Variants in CCDC82 observed in about 807,000 individuals in gnomAD.
CCDC82 encodes the protein coiled-coil domain containing 82.
CCDC82 carries 47 observed loss-of-function variants against 60.6 expected under a neutral mutation model. The observed-to-expected ratio is 0.77, with a 90% CI of 0.61 to 0.99. The LOEUF is 0.99. Among genes scored for constraint, CCDC82 ranks in the 50% least tolerant of loss-of-function variants. The pLI is 0.00. For synonymous variants in CCDC82, 212 were observed against 207.4 expected (o/e 1.02, Z -0.19); for missense variants, 588 against 633.0 (o/e 0.93, Z 0.76).
chr11:96,358,327 T>G, intron 9 of CCDC82: 1 of 1,203,046 alleles, frequency 8.3e-7, no homozygotes, highest in African/African-American at 1.6e-5. Context: ...CTAAAAGCTC[T>G]GTGAGCAGAC....
In CCDC82 at chr11:96,360,766, A is replaced by G. The variant is rs576429042; in HGVS notation, c.1381-1588T>C. Reference sequence around the variant, plus strand: ...GAGGCCACACTGCAAGGAAACATACAAGTGATGATAGACAAAGCAGGAGTA... The same window carrying G: ...GAGGCCACACTGCAAGGAAACATACGAGTGATGATAGACAAAGCAGGAGTA... On this transcript the variant is annotated intron_variant, in intron 8 of 9. Coordinates refer to ENST00000646818, the MANE Select transcript of CCDC82 (RefSeq NM_024725.4). Among the ~76,000 whole-genome samples, 5 of 152,336 alleles carry G rather than the reference A, an allele frequency of 3.3e-5. No individual in the cohort carries two copies. The East Asian group carries it at 9.6e-4, about 29-fold the overall frequency.
At chr11:96,389,234 TCCGGGATAA>T (rs1174874094) in intron 1 of CCDC82, 1 of 152,224 alleles carries the variant, frequency 6.6e-6, no homozygotes, top group African/African-American at 2.4e-5. Flanking sequence ...CAGCATGGTA[TCCGGGATAA>T]CTATATTATT....
At chr11:96,375,701 C>T (rs1428900338) in intron 5 of CCDC82, among the ~76,000 whole-genome samples, 1 of 152,186 alleles carries the variant, frequency 6.6e-6, no homozygotes, top group African/African-American at 2.4e-5. Flanking sequence ...AGGGCTGGAA[C>T]CCCATCTAAG....
intron 9 of CCDC82, chr11:96,358,418 TA>T: frequency 8.1e-7 from 1 of 1,227,852 alleles, no homozygotes; most frequent in Non-Finnish European, 1.0e-6. Flanking sequence ...TTATCAAATT[TA>T]GTGATCAATA....
chr11:96,360,956 C>G (rs539206239), intron 8 of CCDC82, among the ~76,000 whole-genome samples: 1 of 152,312 alleles, frequency 6.6e-6, no homozygotes, highest in East Asian at 1.9e-4. Flanking sequence ...CCGTAAAAAC[C>G]TTCCTGCTTT....
intron 5 of CCDC82, among the ~76,000 whole-genome samples, chr11:96,374,067 G>T (rs1865436356): frequency 6.6e-6 from 1 of 152,150 alleles, no homozygotes; most frequent in African/African-American, 2.4e-5. Context: ...GTTGTGACAG[G>T]CCAGGCAGTG....
At chr11:96,364,017 T>G (rs1022622814) in intron 8 of CCDC82, 3 of 152,152 alleles carry the variant, frequency 2.0e-5, no homozygotes, top group Non-Finnish European at 4.4e-5. Context: ...TTCACAGGAA[T>G]GTCAGAGCTC....
In CCDC82 at chr11:96,384,303, G is replaced by C. The variant is rs17851661; in HGVS notation, c.445C>G (p.Gln149Glu). The change falls in exon 4 of 10, where the codon CAG becomes GAG. Residue 149 changes from glutamine to glutamate, a missense_variant. Coordinates refer to ENST00000646818, the MANE Select transcript of CCDC82 (RefSeq NM_024725.4). Reference protein sequence around the residue: ...KQTGQIIEDDQEKHLSQEDND... With the variant: ...KQTGQIIEDDEEKHLSQEDND... ...TCCTCTTGACTTAAATGTTTTTCCT[G>C]ATCATCCTCTATTATTTGTCCAGTT... 1,018 of 1,609,296 alleles carry C rather than the reference G, an allele frequency of 6.3e-4. 3 individuals are homozygous for C. The highest frequency in any genetic ancestry group is 7.4e-4 in the Non-Finnish European group (868 of 1,175,910).
chr11:96,384,061 T>C lies in CCDC82; in HGVS notation c.687A>G (p.Glu229=), dbSNP rs748753337. The change falls in exon 4 of 10, where the codon GAA becomes GAG. Residue 229 remains glutamate (E), a synonymous_variant. Coordinates refer to ENST00000646818, the MANE Select transcript of CCDC82 (RefSeq NM_024725.4). ...SSVEMEQKTP[E]KTLAAQKREK... ...CTCGCTTTTGTGCAGCTAATGTTTT[T>C]TCAGGAGTCTTTTGCTCCATTTCCA... 6.2e-6 allele frequency: 10 copies of C among 1,613,680 alleles called. No homozygotes were observed. In the South Asian group the frequency reaches 8.8e-5, roughly 14 times the overall value.
At chr11:96,374,560 T>C (rs897777753) in intron 5 of CCDC82, among the ~76,000 whole-genome samples, 1 of 152,224 alleles carries the variant, frequency 6.6e-6, no homozygotes, top group African/African-American at 2.4e-5. Context: ...AGATGGCCTA[T>C]GATCAAAGGC....
At chr11:96,360,150 T>G (rs1189257590) in intron 8 of CCDC82, among the ~76,000 whole-genome samples, 3 of 147,226 alleles carry the variant, frequency 2.0e-5, no homozygotes, top group African/African-American at 4.9e-5. Context: ...AATATAGATA[T>G]TTAAAATATT....
chr11:96,359,008 A>G lies in CCDC82; in HGVS notation c.1551T>C (p.Asn517=), dbSNP rs1256772798. 1.2e-6 allele frequency: 2 copies of G among 1,608,458 alleles called. No individual in the cohort carries two copies. The highest frequency in any genetic ancestry group is 2.3e-5 in the East Asian group (1 of 44,402). Residue 517 remains asparagine (N), a synonymous_variant, in exon 9 of 10, where the codon AAT becomes AAC. Transcript: ENST00000646818. ...VERIFRRSKE[N]GWIKEKYGQL... ...TTCACCTTACCTCCTTAATCCAGCC[A>G]TTTTCTTTTGACCGCCTGAAAATTC...
chr11:96,365,243 T>A, intron 7 of CCDC82, 93 bp from the exon 8 acceptor site: 2 of 795,668 alleles, frequency 2.5e-6, no homozygotes, highest in Non-Finnish European at 3.8e-6. Flanking sequence ...GGGATTACAA[T>A]ACAAAGAGAT....
intron 5 of CCDC82, among the ~76,000 whole-genome samples, chr11:96,375,974 CT>C (rs1308891406): frequency 5.9e-5 from 9 of 152,132 alleles, no homozygotes; most frequent in Admixed American, 5.2e-4. Flanking sequence ...GAATGAGCTT[CT>C]GTGGAATGTC....
chr11:96,387,036 T>C (rs1186730080), intron 2 of CCDC82: 2 of 152,258 alleles, frequency 1.3e-5, no homozygotes, highest in African/African-American at 2.4e-5. Context: ...TGTAAACACA[T>C]AAATTTGCGT....
chr11:96,365,065 T>C lies in CCDC82; in HGVS notation c.1295A>G (p.Tyr432Cys), dbSNP rs577041830. ...CSCQACGLHRYCKYSVHLSGE... is the reference protein window; with the variant it reads ...CSCQACGLHRCCKYSVHLSGE... Reference sequence around the variant, plus strand: ...TGATAAATGCACTGAATATTTACAGTAGCGATGCAGTCCACAAGCCTGGCA... The same window carrying C: ...TGATAAATGCACTGAATATTTACAGCAGCGATGCAGTCCACAAGCCTGGCA... Residue 432 changes from tyrosine to cysteine, a missense_variant, in exon 8 of 10, where the codon TAC becomes TGC. By Grantham distance (194) the Tyr-to-Cys change is radical (BLOSUM62 -2). Transcript: ENST00000646818. 6.2e-7 allele frequency: 1 copy of C among 1,609,792 alleles called. No individual in the cohort carries two copies.
intron 2 of CCDC82, 51 bp from the exon 3 acceptor site, chr11:96,386,344 G>C (rs552042183): frequency 6.6e-6 from 1 of 152,182 alleles, no homozygotes; most frequent in Non-Finnish European, 1.5e-5. Flanking sequence ...ACAAATTCTG[G>C]TATGTTTATA....
chr11:96,367,762 C>T (rs1488762961), intron 7 of CCDC82, among the ~76,000 whole-genome samples: 2 of 151,806 alleles, frequency 1.3e-5, no homozygotes, highest in Non-Finnish European at 2.9e-5. Context: ...ATTTACTTTG[C>T]CTAGATACAT....
intron 9 of CCDC82, chr11:96,357,827 A>G: frequency 1.4e-5 from 14 of 985,424 alleles, no homozygotes; most frequent in Non-Finnish European, 1.7e-5. Context: ...AAGCAAATGA[A>G]AAAGTACGGA....
Sources: allele counts gnomAD v4.1 joint callset (sites outside exome capture counted in the v4.1 genomes callset), GRCh38; gene constraint gnomAD v4.1.1; transcripts MANE v1.5; gene names NCBI Gene and HGNC (gene_info 2026-07-23, HGNC 2026-07-21).